Variants in IL27RA observed in about 807,000 individuals in gnomAD.
IL27RA encodes interleukin 27 receptor subunit alpha.
IL27RA carries 61 observed loss-of-function variants against 80.8 expected under a neutral mutation model. That is an observed-to-expected ratio of 0.76 (90% confidence interval 0.61 to 0.93). The LOEUF is 0.93. Ranked by LOEUF, IL27RA falls within the 40% of genes least tolerant of loss-of-function variation. The pLI is 0.00. For missense variants in IL27RA, 735 were observed against 808.1 expected (o/e 0.91, Z 1.10); for synonymous variants, 316 against 332.5 (o/e 0.95, Z 0.54).
At chr19:14,048,297 T>TAAA (rs1976101914) in intron 8 of IL27RA, among the ~76,000 whole-genome samples, 3 of 150,758 alleles carry the variant, frequency 2.0e-5, no homozygotes, top group African/African-American at 7.5e-5. Context: ...AATAAATTAA[T>TAAA]TAATTAATGA....
intron 1 of IL27RA, 115 bp from the exon 2 acceptor site, chr19:14,032,271 C>T: frequency 1.2e-6 from 1 of 835,848 alleles, no homozygotes; most frequent in African/African-American, 1.7e-5. Context: ...CTTCCTGCTG[C>T]TCATTTCCCT....
chr19:14,041,267 A>T (rs1975985869), intron 4 of IL27RA, among the ~76,000 whole-genome samples: 4 of 149,574 alleles, frequency 2.7e-5, no homozygotes, highest in African/African-American at 9.9e-5. Context: ...GTGCCATCTC[A>T]ACTCACTGCA....
rs764147500 is a variant in IL27RA, at chr19:14,051,712, G to A, written c.1622+12G>A. On this transcript the variant is annotated intron_variant, in intron 12 of 13. Coordinates refer to ENST00000263379, the MANE Select transcript of IL27RA (RefSeq NM_004843.4). ...GCCACCTCTGGAAGGTGAGGCTGTC[G>A]GATACATGCATCTCTACCCACGTGG... 1.6e-5 allele frequency: 26 copies of A among 1,581,940 alleles called. No individual in the cohort carries two copies. The highest frequency in any genetic ancestry group is 4.5e-5 in the South Asian group (4 of 89,460).
intron 4 of IL27RA, among the ~76,000 whole-genome samples, chr19:14,041,532 G>A (rs981177227): frequency 2.6e-5 from 4 of 152,122 alleles, no homozygotes; most frequent in Admixed American, 2.6e-4. Context: ...GACTACCTCA[G>A]TGCTCAGCTC....
intron 2 of IL27RA, 119 bp downstream of exon 2, chr19:14,032,622 A>G (rs1030820645): frequency 1.4e-5 from 5 of 348,332 alleles, no homozygotes; most frequent in Admixed American, 1.0e-4. Context: ...AACCCTGTCT[A>G]TACTAAAAAT....
intron 4 of IL27RA, among the ~76,000 whole-genome samples, chr19:14,040,598 A>T (rs907620556): frequency 7.2e-5 from 11 of 151,846 alleles, no homozygotes; most frequent in Non-Finnish European, 1.3e-4. Flanking sequence ...AGGAGAGTGG[A>T]TCACCTGAGG....
At chr19:14,035,643 C>G (rs934333474) in intron 2 of IL27RA, among the ~76,000 whole-genome samples, 1 of 151,954 alleles carries the variant, frequency 6.6e-6, no homozygotes, top group Non-Finnish European at 1.5e-5. Context: ...GATCCACCCA[C>G]CTGGGCCTCC....
At chr19:14,035,838 C>T (rs1448534049) in intron 2 of IL27RA, among the ~76,000 whole-genome samples, 6 of 151,732 alleles carry the variant, frequency 4.0e-5, no homozygotes, top group Admixed American at 1.3e-4. Context: ...TAGAGTGCAG[C>T]GGTGCGATCA....
At chr19:14,036,095 AGAAG>A (rs908471130) in intron 2 of IL27RA, among the ~76,000 whole-genome samples, 1 of 149,494 alleles carries the variant, frequency 6.7e-6, no homozygotes, top group African/African-American at 2.5e-5. Context: ...AAAAAAAGAA[AGAAG>A]AAGAAGAAGA....
At chr19:14,043,071 G>A (rs1211912485) in intron 6 of IL27RA, among the ~76,000 whole-genome samples, 2 of 151,254 alleles carry the variant, frequency 1.3e-5, no homozygotes, top group African/African-American at 2.4e-5. Context: ...GAACCCAGGA[G>A]GTGAAGGTTG....
chr19:14,042,197 C>CAAA (rs144463133), intron 4 of IL27RA, among the ~76,000 whole-genome samples: 22 of 86,350 alleles, frequency 2.5e-4, no homozygotes, highest in African/African-American at 9.1e-4. Flanking sequence ...GACTCTGCCT[C>CAAA]AAAAAAAAAA....
intron 1 of IL27RA, 66 bp downstream of exon 1, chr19:14,032,038 T>C (rs945072828): frequency 5.0e-6 from 7 of 1,398,872 alleles, no homozygotes; most frequent in Admixed American, 1.9e-5. Context: ...GCGCCAGTGC[T>C]CCAGGATAAG....
At position 14,037,834 on chromosome 19, in the gene IL27RA, C is replaced by CTCTTTTTTTT. The variant is rs77898584; in HGVS notation, c.219-1673_219-1672insCTTTTTTTTT. ...AGTGAGACCCTCTCGCTCTCTCTCT[C>CTCTTTTTTTT]TTTTTTTTTTTTTTTGAAATGGAGT... On this transcript the variant is annotated intron_variant, in intron 2 of 13. Coordinates refer to ENST00000263379, the MANE Select transcript of IL27RA (RefSeq NM_004843.4). Among the ~76,000 whole-genome samples, 30 of 129,418 alleles carry CTCTTTTTTTT rather than the reference C, an allele frequency of 2.3e-4. 1 individual carries two copies. The highest frequency in any genetic ancestry group is 1.5e-3 in the East Asian group (6 of 3,898). The allele number at this position is 129,418 out of a possible 152,430, so 84.9% of individuals were successfully genotyped here.
Position 14,042,720 on chromosome 19 carries a change from A to G in IL27RA, c.699A>G (p.Pro233=). The change falls in exon 6 of 14, where the codon CCA becomes CCG. Residue 233 remains proline (P), a synonymous_variant. Coordinates refer to ENST00000263379, the MANE Select transcript of IL27RA (RefSeq NM_004843.4). Reference sequence around the variant, plus strand: ...CCGTTTCCTCATCCTTGCCAGCTCCAAAAGATGTGTGGGTATCAGGGAACC... The same window carrying G: ...CCGTTTCCTCATCCTTGCCAGCTCCGAAAGATGTGTGGGTATCAGGGAACC... ...ILSFQTPPSA[P]KDVWVSGNLC... 1.2e-6 allele frequency: 2 copies of G among 1,614,120 alleles called. No homozygotes were observed. Among genetic ancestry groups the G allele is most frequent in the African/African-American group, 1.3e-5 (1 of 75,046 alleles).
chr19:14,035,055 G>A (rs902896182), intron 2 of IL27RA, among the ~76,000 whole-genome samples: 4 of 146,188 alleles, frequency 2.7e-5, no homozygotes, highest in Non-Finnish European at 6.1e-5. Context: ...AGTGCAGTGG[G>A]GCAGTCAGTT....
In IL27RA at chr19:14,042,530, G is replaced by T; in HGVS notation, c.612G>T (p.Val204=). 1 of 1,614,222 alleles carries T rather than the reference G, an allele frequency of 6.2e-7. No homozygotes were observed. Among genetic ancestry groups the T allele is most frequent in the Non-Finnish European group, 8.5e-7 (1 of 1,180,038 alleles). ...QDLELATGYK[V]YGRCRMEKEE... ...TGGAGCTAGCCACTGGCTACAAAGT[G>T]TATGGCCGCTGCCGGATGGAGAAAG... is the stretch of plus-strand genomic sequence containing the variant. The change falls in exon 5 of 14, where the codon GTG becomes GTT. Residue 204 remains valine (V), a synonymous_variant. Coordinates refer to ENST00000263379, the MANE Select transcript of IL27RA (RefSeq NM_004843.4).
chr19:14,050,549 G>T (rs1976145651), intron 10 of IL27RA, among the ~76,000 whole-genome samples: 1 of 151,888 alleles, frequency 6.6e-6, no homozygotes, highest in Non-Finnish European at 1.5e-5. Flanking sequence ...AACAAGGAAG[G>T]TGGGTGGTGA....
At chr19:14,044,050 CAAAAAA>C (rs111909254) in intron 6 of IL27RA, among the ~76,000 whole-genome samples, 1 of 85,158 alleles carries the variant, frequency 1.2e-5, no homozygotes, top group Non-Finnish European at 2.5e-5. Context: ...CTCTGTCTCA[CAAAAAA>C]AAAAAAAAAA....
At chr19:14,048,137 T>C (rs1280998657) in intron 8 of IL27RA, among the ~76,000 whole-genome samples, 1 of 151,704 alleles carries the variant, frequency 6.6e-6, no homozygotes, top group Admixed American at 6.6e-5. Flanking sequence ...TTTGTATTTT[T>C]TGTAGAGGTG....
Sources: allele counts gnomAD v4.1 joint callset (sites outside exome capture counted in the v4.1 genomes callset), GRCh38; gene constraint gnomAD v4.1.1; transcripts MANE v1.5; gene names NCBI Gene and HGNC (gene_info 2026-07-23, HGNC 2026-07-21).